Variants in COL24A1 observed in about 807,000 individuals in gnomAD.
The protein encoded by COL24A1 is collagen alpha-1(XXIV) chain.
A neutral mutation model predicts 253.9 loss-of-function variants in COL24A1; 224 were observed. That is an observed-to-expected ratio of 0.88 (90% CI 0.79 to 0.99). The LOEUF is 0.99. COL24A1 is among the 50% of genes least tolerant of loss of function. The pLI is 0.00. For missense variants in COL24A1, 2,131 were observed against 2,068.5 expected (o/e 1.03, Z -0.59); for synonymous variants, 685 against 673.7 (o/e 1.02, Z -0.26).
chr1:85,826,988 A>T (rs1057124059), intron 43 of COL24A1, among the ~76,000 whole-genome samples: 1 of 151,842 alleles, frequency 6.6e-6, no homozygotes, highest in African/African-American at 2.4e-5. Flanking sequence ...GAGAGAGGGC[A>T]TCCCTGTCTT....
chr1:86,022,076 G>T (rs1697586037), intron 18 of COL24A1, among the ~76,000 whole-genome samples, 164 bp downstream of exon 18: 1 of 152,160 alleles, frequency 6.6e-6, no homozygotes, highest in African/African-American at 2.4e-5. Flanking sequence ...AAGTCCAAAA[G>T]TCTATGGAAT....
At chr1:85,775,532 T>A in intron 53 of COL24A1, 142 bp downstream of exon 53, 2 of 673,314 alleles carry the variant, frequency 3.0e-6, no homozygotes, top group Admixed American at 3.2e-5. Context: ...CGGTTAATTC[T>A]ACTTCCTGAC....
intron 37 of COL24A1, among the ~76,000 whole-genome samples, chr1:85,867,341 T>C (rs1679903931): frequency 6.6e-6 from 1 of 152,186 alleles, no homozygotes. Flanking sequence ...TGAGCCCCAA[T>C]GTGGAAATAC....
intron 29 of COL24A1, 56 bp from the exon 30 acceptor site, chr1:85,896,121 A>G (rs930437505): frequency 6.8e-7 from 1 of 1,463,922 alleles, no homozygotes. Context: ...TGGTCTTACT[A>G]TGCTAGCATA....
In COL24A1 at chr1:86,060,867, T is replaced by G. The variant is rs1701038217; in HGVS notation, c.1753-1693A>C. Reference sequence around the variant, plus strand: ...TCAGAAACCATATGTATGTATTAAATGTTCCCCTATTGATATTAAATATTA... The same window carrying G: ...TCAGAAACCATATGTATGTATTAAAGGTTCCCCTATTGATATTAAATATTA... On this transcript the variant is annotated intron_variant, in intron 8 of 59. Coordinates refer to ENST00000370571, the MANE Select transcript of COL24A1 (RefSeq NM_152890.7). Among the ~76,000 whole-genome samples the G allele has an allele frequency of 2.0e-5, 3 of 151,984 alleles. No homozygotes were observed. The South Asian group carries it at 6.2e-4, about 32-fold the overall frequency.
chr1:86,093,563 T>G (rs1703668431), intron 5 of COL24A1, among the ~76,000 whole-genome samples: 1 of 152,014 alleles, frequency 6.6e-6, no homozygotes, highest in South Asian at 2.1e-4. Flanking sequence ...GCAATATGAT[T>G]TAGTACATAG....
chr1:86,010,279 GTGACAAAT>G (rs772245683), intron 19 of COL24A1, among the ~76,000 whole-genome samples: 7 of 152,082 alleles, frequency 4.6e-5, no homozygotes, highest in Non-Finnish European at 8.8e-5. Context: ...CAAAAGACAA[GTGACAAAT>G]TGGGAAAAAA....
intron 55 of COL24A1, among the ~76,000 whole-genome samples, chr1:85,759,367 G>A (rs1282913010): frequency 6.6e-6 from 1 of 152,112 alleles, no homozygotes; most frequent in Admixed American, 6.6e-5. Flanking sequence ...ACAAAGAAGG[G>A]GAAGTGATCA....
chr1:85,785,317 A>G (rs11577881), intron 48 of COL24A1, among the ~76,000 whole-genome samples: 14,140 of 152,158 alleles, frequency 0.093, 797 homozygotes, highest in East Asian at 0.17. Context: ...TTATTTTTGA[A>G]ATGAGAGTTG....
intron 2 of COL24A1, among the ~76,000 whole-genome samples, chr1:86,137,002 G>A (rs1442088906): frequency 6.7e-6 from 1 of 148,384 alleles, no homozygotes; most frequent in Non-Finnish European, 1.5e-5. Context: ...CAAAAAAAAT[G>A]GGGGTGGGCA....
rs753619831 is a variant in COL24A1, at chr1:85,761,573, G to A, written c.4375-7C>T. ...CTCTTGGTCCTTGAGGACCCTGGAA[G>A]AAATGGAGACAAACACAAGACCTAT... On this transcript the variant is annotated splice_region_variant and splice_polypyrimidine_tract_variant and intron_variant, in intron 53 of 59. Coordinates refer to ENST00000370571, the MANE Select transcript of COL24A1 (RefSeq NM_152890.7). The A allele has an allele frequency of 5.6e-6, 9 of 1,614,054 alleles. No individual in the cohort carries two copies. The highest frequency in any genetic ancestry group is 7.6e-6 in the Non-Finnish European group (9 of 1,179,912).
At chr1:85,960,351 A>G (rs1360951012) in intron 24 of COL24A1, among the ~76,000 whole-genome samples, 1 of 152,128 alleles carries the variant, frequency 6.6e-6, no homozygotes, top group Non-Finnish European at 1.5e-5. Flanking sequence ...TTTGTTAGAG[A>G]ATATTTTGGC....
chr1:85,810,714 C>T (rs34503069), intron 47 of COL24A1, among the ~76,000 whole-genome samples: 8,836 of 152,110 alleles, frequency 0.058, 364 homozygotes, highest in Non-Finnish European at 0.086. Context: ...CACTCTTTGT[C>T]TCTCTTGCTT....
intron 7 of COL24A1, among the ~76,000 whole-genome samples, chr1:86,067,693 A>G (rs753681952): frequency 3.3e-5 from 5 of 152,202 alleles, no homozygotes; most frequent in East Asian, 1.9e-4. Context: ...CCACTATTAT[A>G]TAAAGACTTT....
At chr1:85,888,542 T>C (rs1374398098) in intron 32 of COL24A1, among the ~76,000 whole-genome samples, 1 of 152,044 alleles carries the variant, frequency 6.6e-6, no homozygotes, top group Non-Finnish European at 1.5e-5. Context: ...TATACTTAAG[T>C]AAATAATGCT....
chr1:85,735,953 G>C (rs1190709135), intron 58 of COL24A1, among the ~76,000 whole-genome samples: 1 of 151,734 alleles, frequency 6.6e-6, no homozygotes, highest in Non-Finnish European at 1.5e-5. Flanking sequence ...GCAAAAGAAG[G>C]GCATACACAT....
chr1:86,077,349 A>G (rs1187114582), intron 7 of COL24A1, among the ~76,000 whole-genome samples: 1 of 152,206 alleles, frequency 6.6e-6, no homozygotes, highest in Non-Finnish European at 1.5e-5. Context: ...CAGATGCTGG[A>G]GAGGATGTGG....
Position 86,146,110 on chromosome 1 carries a change from T to C in COL24A1, c.121+9A>G. On this transcript the variant is annotated intron_variant, in intron 2 of 59. Transcript: ENST00000370571. ...AGTAAGCAAATAAATTAAAAGGTAA[T>C]TTTCTTACCTTGTTCTTGTGCATGA... 1 of 1,601,988 alleles carries C rather than the reference T, an allele frequency of 6.2e-7. No homozygotes were observed. The highest frequency in any genetic ancestry group is 1.1e-5 in the South Asian group (1 of 89,200).
chr1:85,863,422 A>G (rs985521783), intron 37 of COL24A1, among the ~76,000 whole-genome samples: 12 of 152,132 alleles, frequency 7.9e-5, no homozygotes, highest in Non-Finnish European at 1.5e-4. Flanking sequence ...CTAGACTTCA[A>G]TGTTAGATCT....
Sources: gnomAD v4.1 joint callset for allele counts (sites outside exome capture counted in the v4.1 genomes callset) on GRCh38, gnomAD v4.1.1 for gene constraint, MANE v1.5 for transcripts, NCBI Gene and HGNC (gene_info 2026-07-23, HGNC 2026-07-21) for gene names.